Variants in DNAI3 observed in about 807,000 individuals in gnomAD.
The protein encoded by DNAI3 is dynein axonemal intermediate chain 3, also known as WD repeat domain 63.
Under a neutral mutation model 115.5 loss-of-function variants are expected in DNAI3, and 83 were observed. That is an observed-to-expected ratio of 0.72 (90% CI 0.60 to 0.86). The LOEUF (loss-of-function observed/expected upper bound fraction) is 0.86. DNAI3 is among the 40% of genes least tolerant of loss of function. The probability of loss-of-function intolerance (pLI) is 0.00; values close to 1 mark genes in which losing one functional copy is unlikely to be tolerated. For synonymous variants in DNAI3, 320 were observed against 347.0 expected, an observed-to-expected ratio of 0.92 and a Z score of 0.86; for missense variants, 1,004 against 1,075.8, an observed-to-expected ratio of 0.93 and a Z score of 0.93.
At chr1:85,093,157 T>C (rs1451869164) in intron 8 of DNAI3, among the ~76,000 whole-genome samples, 1 of 152,166 alleles carries the variant, frequency 6.6e-6, no homozygotes, top group Non-Finnish European at 1.5e-5. Flanking sequence ...CAAGGAGGAC[T>C]GGCCAGGCCC....
At chr1:85,114,078 A>T (rs1192012320) in intron 16 of DNAI3, among the ~76,000 whole-genome samples, 2 of 142,572 alleles carry the variant, frequency 1.4e-5, no homozygotes, top group African/African-American at 5.4e-5. Flanking sequence ...CAGTGGTATG[A>T]CCTTGGCTCA....
intron 13 of DNAI3, among the ~76,000 whole-genome samples, chr1:85,104,256 G>C (rs887154823): frequency 6.6e-6 from 1 of 151,852 alleles, no homozygotes; most frequent in Non-Finnish European, 1.5e-5. Flanking sequence ...GACTAGCTGG[G>C]ACTACAGGCG....
Position 85,130,007 on chromosome 1 carries a change from CT to C in DNAI3, c.2428del (p.Tyr810IlefsTer12). On this transcript the variant is annotated frameshift_variant, in exon 22 of 23. Transcript: ENST00000294664. LOFTEE classifies it high-confidence loss of function. ...TCTAACAGATGGCAAGTGTCAACCA[CT>C]ATTTTGAAAGAGAAGTCAAGCATCT... The part of the protein sequence containing the change: ...STNEMASVNH[Y>X]FEREVKHLEY... The C allele has an allele frequency of 6.2e-7, 1 of 1,612,638 alleles. No individual in the cohort carries two copies.
chr1:85,088,108 G>T (rs570498344), intron 7 of DNAI3, among the ~76,000 whole-genome samples: 1 of 148,756 alleles, frequency 6.7e-6, no homozygotes, highest in Admixed American at 6.7e-5. Context: ...AGGAAGGAGA[G>T]AGGTGATATA....
intron 20 of DNAI3, 130 bp from the exon 21 acceptor site, chr1:85,128,578 A>G: frequency 1.5e-6 from 1 of 680,938 alleles, no homozygotes; most frequent in South Asian, 1.9e-5. Context: ...TCTGATGAAA[A>G]TGCCAAGATC....
At chr1:85,124,549 G>C (rs145604728) in intron 19 of DNAI3, among the ~76,000 whole-genome samples, 39 of 152,116 alleles carry the variant, frequency 2.6e-4, no homozygotes, top group Non-Finnish European at 4.4e-4. Flanking sequence ...TTGGGGGTGG[G>C]GGCCAAGGTC....
chr1:85,063,393 T>C (rs1022686137), intron 1 of DNAI3, among the ~76,000 whole-genome samples: 48 of 152,028 alleles, frequency 3.2e-4, no homozygotes, highest in African/African-American at 1.2e-3. Context: ...CTCGACTGTT[T>C]GGGAATGAAT....
At chr1:85,103,878 T>C (rs1012832374) in intron 13 of DNAI3, among the ~76,000 whole-genome samples, 38 of 132,370 alleles carry the variant, frequency 2.9e-4, no homozygotes, top group African/African-American at 1.0e-3. Flanking sequence ...CAGAATGAGA[T>C]GCCTTCTCAA....
Position 85,080,391 on chromosome 1 carries a change from C to T in DNAI3, c.104-843C>T, listed in dbSNP as rs552271360. On this transcript the variant is annotated intron_variant, in intron 3 of 22. Transcript: ENST00000294664. ...AGCAAATCTGCATGCTGAGGGAAAGCAGCATGGAAGAAAGAAAAGCTGAAA... is the reference window on the plus strand; with the variant it reads ...AGCAAATCTGCATGCTGAGGGAAAGTAGCATGGAAGAAAGAAAAGCTGAAA... Among the ~76,000 whole-genome samples, 25 of 152,186 alleles carry T rather than the reference C, an allele frequency of 1.6e-4. No homozygotes were observed. The East Asian group carries it at 4.6e-3, about 28-fold the overall frequency.
intron 13 of DNAI3, among the ~76,000 whole-genome samples, chr1:85,100,890 G>A (rs373674692): frequency 6.0e-5 from 9 of 150,836 alleles, no homozygotes; most frequent in East Asian, 3.9e-4. Context: ...ACCAAACACC[G>A]CATGTTCTCA....
At chr1:85,095,827 T>G in intron 10 of DNAI3, 104 bp from the exon 11 acceptor site, 1 of 1,113,418 alleles carries the variant, frequency 9.0e-7, no homozygotes. Context: ...ACCTTGCTTA[T>G]AGATAGCTAT....
At chr1:85,126,767 A>T in intron 20 of DNAI3, 52 bp downstream of exon 20, 1 of 1,594,692 alleles carries the variant, frequency 6.3e-7, no homozygotes, top group Non-Finnish European at 8.6e-7. Context: ...ACTCGGGAAC[A>T]TCTTGACATT....
chr1:85,075,969 G>C (rs75763077), intron 3 of DNAI3, among the ~76,000 whole-genome samples: 1,682 of 152,274 alleles, frequency 0.011, 56 homozygotes, highest in East Asian at 0.095. Flanking sequence ...TCATTTAACA[G>C]TTCTGGAAAT....
intron 3 of DNAI3, among the ~76,000 whole-genome samples, chr1:85,078,911 T>C (rs1202885119): frequency 6.6e-6 from 1 of 152,222 alleles, no homozygotes; most frequent in Non-Finnish European, 1.5e-5. Flanking sequence ...GGATCATTTT[T>C]TGTGTGTGAA....
intron 13 of DNAI3, among the ~76,000 whole-genome samples, chr1:85,102,652 A>G (rs1241144780): frequency 7.9e-5 from 12 of 152,228 alleles, no homozygotes; most frequent in Non-Finnish European, 1.8e-4. Flanking sequence ...GCAGTTAGTC[A>G]AGGTGGTTCT....
At position 85,094,562 on chromosome 1, in the gene DNAI3, A is replaced by T; in HGVS notation, c.1173+7A>T. On this transcript the variant is annotated splice_region_variant and intron_variant, in intron 10 of 22. Transcript: ENST00000294664. Reference sequence around the variant, plus strand: ...TGATCCTATACATCCTCAGGTAATTAGGGAGAGTTGCCTACATAGCCTAAA... The same window carrying T: ...TGATCCTATACATCCTCAGGTAATTTGGGAGAGTTGCCTACATAGCCTAAA... The T allele has an allele frequency of 6.2e-7, 1 of 1,613,668 alleles. No homozygotes were observed. The highest frequency in any genetic ancestry group is 8.5e-7 in the Non-Finnish European group (1 of 1,179,876).
intron 8 of DNAI3, among the ~76,000 whole-genome samples, chr1:85,090,882 A>G (rs1557713495): frequency 6.6e-6 from 1 of 152,202 alleles, no homozygotes; most frequent in Non-Finnish European, 1.5e-5. Flanking sequence ...TGCCAGTTAT[A>G]CTCAATAGGC....
chr1:85,113,142 G>T (rs1655707103), intron 16 of DNAI3, among the ~76,000 whole-genome samples: 1 of 152,146 alleles, frequency 6.6e-6, no homozygotes, highest in Admixed American at 6.6e-5. Context: ...CAGGACTAGT[G>T]ATATGTGATT....
At chr1:85,091,485 C>T (rs186146867) in intron 8 of DNAI3, among the ~76,000 whole-genome samples, 6 of 152,218 alleles carry the variant, frequency 3.9e-5, no homozygotes, top group Admixed American at 3.9e-4. Context: ...AGCACTGGCC[C>T]AGAGTGGATA....
Sources: allele counts gnomAD v4.1 joint callset (sites outside exome capture counted in the v4.1 genomes callset), GRCh38; gene constraint gnomAD v4.1.1; transcripts MANE v1.5; gene names NCBI Gene and HGNC (gene_info 2026-07-23, HGNC 2026-07-21).